MAGI3: variants seen among roughly 807,000 people sequenced by gnomAD.
The protein encoded by MAGI3 is membrane associated guanylate kinase, WW and PDZ domain containing 3.
A neutral mutation model predicts 121.8 loss-of-function variants in MAGI3; 43 were observed. That is an observed-to-expected ratio of 0.35 (90% CI 0.28 to 0.46). MAGI3 has a LOEUF of 0.46. MAGI3 is among the 20% of genes least tolerant of loss of function. The pLI is 1.00. For synonymous variants in MAGI3, 553 were observed against 639.3 expected (o/e 0.86, Z 2.04); for missense variants, 1,547 against 1,797.3 (o/e 0.86, Z 2.52).
At chr1:113,553,917 G>A (rs1459516320) in intron 2 of MAGI3, among the ~76,000 whole-genome samples, 2 of 152,224 alleles carry the variant, frequency 1.3e-5, no homozygotes, top group Admixed American at 6.5e-5. Flanking sequence ...GCTGAGGCAG[G>A]AGAATTGCTT....
At chr1:113,446,692 C>T (rs565189792) in intron 1 of MAGI3, among the ~76,000 whole-genome samples, 3 of 152,310 alleles carry the variant, frequency 2.0e-5, no homozygotes, top group African/African-American at 7.2e-5. Flanking sequence ...GAAAAAGATA[C>T]TCCATGCAAT....
intron 11 of MAGI3, 71 bp from the exon 12 acceptor site, chr1:113,646,414 GA>G (rs1229821618): frequency 7.9e-7 from 1 of 1,259,464 alleles, no homozygotes; most frequent in African/African-American, 1.5e-5. Flanking sequence ...ATCCATTTCA[GA>G]TATCAGTTTT....
At chr1:113,657,616 G>A (rs1042815164) in intron 15 of MAGI3, among the ~76,000 whole-genome samples, 1 of 152,162 alleles carries the variant, frequency 6.6e-6, no homozygotes, top group African/African-American at 2.4e-5. Context: ...TAAATCTTTT[G>A]TAAGGAGAAT....
Position 113,653,916 on chromosome 1 carries a change from A to G in MAGI3, c.2527A>G (p.Arg843Gly). The G allele has an allele frequency of 6.2e-7, 1 of 1,614,160 alleles. No individual in the cohort carries two copies. Among genetic ancestry groups the G allele is most frequent in the East Asian group, 2.2e-5 (1 of 44,882 alleles). ...PRLNRAEVPA[R>G]PAPQEPYDVV... ...CCTGAACCGGGCAGAGGTCCCAGCC[A>G]GGCCTGCACCCCAGGAGCCCTATGA... is the stretch of plus-strand genomic sequence containing the variant. Residue 843 changes from arginine to glycine, a missense_variant, in exon 15 of 21, where the codon AGG becomes GGG. Coordinates refer to ENST00000307546, the MANE Select transcript of MAGI3 (RefSeq NM_001142782.2).
At chr1:113,677,338 C>CT (rs566372708) in intron 19 of MAGI3, among the ~76,000 whole-genome samples, 222 of 152,306 alleles carry the variant, frequency 1.5e-3, no homozygotes, top group African/African-American at 5.2e-3. Flanking sequence ...CTCAAAAACT[C>CT]TGAGATAGGT....
Position 113,641,925 on chromosome 1 carries a change from G to A in MAGI3, c.1375G>A (p.Asp459Asn). 6.3e-7 allele frequency: 1 copy of A among 1,580,378 alleles called. No individual in the cohort carries two copies. Among genetic ancestry groups the A allele is most frequent in the Non-Finnish European group, 8.7e-7 (1 of 1,154,646 alleles). Residue 459 changes from aspartate to asparagine, a missense_variant, in exon 10 of 21, where the codon GAC (aspartate) becomes AAC (asparagine). Transcript: ENST00000307546. ...TGTTTTTCCAGGCGATGTTATTGTA[G>A]ACATCAATGGCAACTGTGTCCTCGG... ...GKIAPGDVIV[D>N]INGNCVLGHT...
At chr1:113,576,041 C>A (rs1214827076) in intron 2 of MAGI3, among the ~76,000 whole-genome samples, 1 of 152,184 alleles carries the variant, frequency 6.6e-6, no homozygotes, top group Admixed American at 6.5e-5. Context: ...GCCCCTCCCC[C>A]CACCAAGCTC....
intron 2 of MAGI3, among the ~76,000 whole-genome samples, chr1:113,570,146 GT>G (rs999134998): frequency 4.6e-5 from 7 of 152,188 alleles, no homozygotes; most frequent in Middle Eastern, 3.4e-3. Context: ...GTGGTGTTTG[GT>G]TTTCTGTTCC....
chr1:113,489,010 C>T (rs1656541679), intron 1 of MAGI3, among the ~76,000 whole-genome samples: 1 of 152,190 alleles, frequency 6.6e-6, no homozygotes. Flanking sequence ...CACATGGAGA[C>T]AGGCATCCTG....
intron 20 of MAGI3, chr1:113,682,623 A>C: frequency 1.0e-6 from 1 of 982,816 alleles, no homozygotes; most frequent in Non-Finnish European, 1.2e-6. Context: ...CTAATAGAGA[A>C]TTTACAGATC....
intron 6 of MAGI3, among the ~76,000 whole-genome samples, chr1:113,607,834 G>T (rs1284574188): frequency 1.3e-5 from 2 of 152,064 alleles, no homozygotes; most frequent in African/African-American, 4.8e-5. Flanking sequence ...CCTTGGTTAA[G>T]TATTAAAGAT....
intron 1 of MAGI3, among the ~76,000 whole-genome samples, chr1:113,523,912 C>T (rs908462406): frequency 2.0e-5 from 3 of 152,004 alleles, no homozygotes; most frequent in Non-Finnish European, 4.4e-5. Context: ...GCCTGGAGAC[C>T]GAGGAGGAAA....
At chr1:113,399,830 A>T (rs1175642265) in intron 1 of MAGI3, among the ~76,000 whole-genome samples, 1 of 152,158 alleles carries the variant, frequency 6.6e-6, no homozygotes, top group Non-Finnish European at 1.5e-5. Flanking sequence ...ACGTTTTTAA[A>T]ACAATTTTAT....
chr1:113,496,074 A>C (rs1024198213), intron 1 of MAGI3, among the ~76,000 whole-genome samples: 5 of 152,148 alleles, frequency 3.3e-5, no homozygotes, highest in Admixed American at 1.3e-4. Flanking sequence ...CTTTTTGTTT[A>C]TCTTTTATTT....
At chr1:113,489,053 A>G (rs1445941589) in intron 1 of MAGI3, among the ~76,000 whole-genome samples, 1 of 152,168 alleles carries the variant, frequency 6.6e-6, no homozygotes, top group Non-Finnish European at 1.5e-5. Context: ...AGCTGCTGCT[A>G]CCACTGCTGC....
chr1:113,455,550 G>A (rs1455118819), intron 1 of MAGI3, among the ~76,000 whole-genome samples: 4 of 151,934 alleles, frequency 2.6e-5, no homozygotes, highest in Non-Finnish European at 5.9e-5. Flanking sequence ...TGGCCATATT[G>A]ATCTTCTTTC....
At chr1:113,568,311 C>T (rs1424673183) in intron 2 of MAGI3, among the ~76,000 whole-genome samples, 7 of 151,898 alleles carry the variant, frequency 4.6e-5, no homozygotes, top group African/African-American at 7.3e-5. Flanking sequence ...TCTAATGAAA[C>T]GTAAGTCCTC....
intron 9 of MAGI3, among the ~76,000 whole-genome samples, chr1:113,629,775 CCTCCCTCCCTCA>C (rs1557861516): frequency 8.2e-6 from 1 of 121,750 alleles, no homozygotes; most frequent in Non-Finnish European, 1.8e-5. Flanking sequence ...TCCCTCCCTC[CCTCCCTCCCTCA>C]CTCTCTGTCT....
At chr1:113,584,391 G>A (rs1648231819) in intron 3 of MAGI3, among the ~76,000 whole-genome samples, 3 of 152,008 alleles carry the variant, frequency 2.0e-5, no homozygotes, top group Admixed American at 2.0e-4. Flanking sequence ...TATTTTTACT[G>A]CAAAAATTAC....
Sources: allele counts gnomAD v4.1 joint callset (sites outside exome capture counted in the v4.1 genomes callset), GRCh38; gene constraint gnomAD v4.1.1; transcripts MANE v1.5; gene names NCBI Gene and HGNC (gene_info 2026-07-23, HGNC 2026-07-21).